Variants in COL8A1 observed in about 807,000 individuals in gnomAD.
COL8A1 encodes collagen alpha-1(VIII) chain.
COL8A1 carries 21 observed loss-of-function variants against 42.7 expected under a neutral mutation model. That is an observed-to-expected ratio of 0.49 (90% CI 0.35 to 0.71). COL8A1 has a LOEUF of 0.71. Ranked by LOEUF, COL8A1 falls within the 30% of genes least tolerant of loss-of-function variation. The pLI, the probability that COL8A1 is intolerant of heterozygous loss-of-function variation, is 0.01. For synonymous variants in COL8A1, 367 were observed against 369.1 expected, an observed-to-expected ratio of 0.99 and a Z score of 0.06; for missense variants, 788 against 962.4, an observed-to-expected ratio of 0.82 and a Z score of 2.40.
chr3:99,712,639 A>G (rs1373285334), intron 1 of COL8A1, among the ~76,000 whole-genome samples: 2 of 152,166 alleles, frequency 1.3e-5, no homozygotes, highest in Non-Finnish European at 2.9e-5. Flanking sequence ...TTCCAGAAAC[A>G]AGGTGAATTT....
At chr3:99,744,280 T>A (rs1316981782) in intron 1 of COL8A1, among the ~76,000 whole-genome samples, 1 of 152,180 alleles carries the variant, frequency 6.6e-6, no homozygotes, top group African/African-American at 2.4e-5. Context: ...AAATAGAGAG[T>A]ATCTATTACC....
At chr3:99,793,492 T>C (rs1942041181) in intron 3 of COL8A1, among the ~76,000 whole-genome samples, 1 of 152,056 alleles carries the variant, frequency 6.6e-6, no homozygotes. Flanking sequence ...TATATATACA[T>C]GTTAAGTGGT....
intron 2 of COL8A1, among the ~76,000 whole-genome samples, chr3:99,759,986 T>C (rs148585079): frequency 4.5e-4 from 69 of 152,302 alleles, no homozygotes; most frequent in African/African-American, 1.5e-3. Flanking sequence ...CTCTTCTTTA[T>C]ATATGTTTTT....
rs151319561 is a variant in COL8A1, at chr3:99,683,893, G to A, written c.-129+45229G>A. 2.8e-3 allele frequency among the ~76,000 whole-genome samples: 428 copies of A among 152,086 alleles called. 3 individuals carry two copies. Among genetic ancestry groups the A allele is most frequent in the Middle Eastern group, 6.8e-3 (2 of 292 alleles). On this transcript the variant is annotated intron_variant, in intron 1 of 3. Coordinates refer to ENST00000652472, the MANE Select transcript of COL8A1 (RefSeq NM_020351.4). ...CTGTGACTGGACTTTGTCTCTATAA[G>A]ACCAAAACAATAAGCTAAAAAAAAA...
At chr3:99,691,402 C>T (rs1939214581) in intron 1 of COL8A1, 1 of 152,068 alleles carries the variant, frequency 6.6e-6, no homozygotes, top group Non-Finnish European at 1.5e-5. Flanking sequence ...TTTCTAGGAT[C>T]CAGTTTCACC....
intron 2 of COL8A1, among the ~76,000 whole-genome samples, chr3:99,764,773 C>T (rs1941430465): frequency 7.9e-6 from 1 of 126,408 alleles, no homozygotes; most frequent in Non-Finnish European, 1.5e-5. Flanking sequence ...GATCTTGGTT[C>T]ATCTGCAACC....
intron 1 of COL8A1, among the ~76,000 whole-genome samples, chr3:99,734,537 G>C (rs1393745031): frequency 6.6e-6 from 1 of 151,940 alleles, no homozygotes; most frequent in Admixed American, 6.6e-5. Flanking sequence ...GTACCATGCT[G>C]TTTTGGTTAC....
intron 2 of COL8A1, among the ~76,000 whole-genome samples, chr3:99,747,545 T>C (rs1044495481): frequency 6.6e-6 from 1 of 152,234 alleles, no homozygotes; most frequent in South Asian, 2.1e-4. Context: ...GGCTTTCTTG[T>C]GGTTGTACTA....
chr3:99,660,470 C>T (rs1938170765), intron 1 of COL8A1, among the ~76,000 whole-genome samples: 1 of 152,190 alleles, frequency 6.6e-6, no homozygotes, highest in Non-Finnish European at 1.5e-5. Context: ...TTGTTACATC[C>T]TTGCAGTCAG....
intron 2 of COL8A1, among the ~76,000 whole-genome samples, chr3:99,757,782 T>C (rs1941283700): frequency 1.3e-5 from 2 of 152,152 alleles, no homozygotes; most frequent in Non-Finnish European, 1.5e-5. Flanking sequence ...AAGGCCCTTT[T>C]CAGAAAGTAT....
intron 1 of COL8A1, among the ~76,000 whole-genome samples, chr3:99,712,738 T>C (rs1939876484): frequency 1.3e-5 from 2 of 152,098 alleles, no homozygotes; most frequent in African/African-American, 4.8e-5. Context: ...ACATGGAAGC[T>C]TTCCAAAAGT....
At chr3:99,649,928 A>T (rs1214666793) in intron 1 of COL8A1, among the ~76,000 whole-genome samples, 1 of 152,176 alleles carries the variant, frequency 6.6e-6, no homozygotes, top group East Asian at 1.9e-4. Flanking sequence ...TACACAAAGA[A>T]AAATTATTTC....
intron 2 of COL8A1, among the ~76,000 whole-genome samples, chr3:99,774,637 G>A (rs949488953): frequency 3.9e-5 from 6 of 152,122 alleles, no homozygotes; most frequent in Admixed American, 3.9e-4. Flanking sequence ...CCCAACACAC[G>A]TGAACAAGAG....
chr3:99,702,512 A>T (rs889796614), intron 1 of COL8A1, among the ~76,000 whole-genome samples: 1 of 152,214 alleles, frequency 6.6e-6, no homozygotes, highest in Non-Finnish European at 1.5e-5. Context: ...TTTCCAATTA[A>T]ATCAACATGT....
intron 1 of COL8A1, among the ~76,000 whole-genome samples, chr3:99,730,813 G>A (rs989339775): frequency 9.2e-5 from 14 of 152,074 alleles, no homozygotes; most frequent in African/African-American, 3.1e-4. Context: ...ATAATTTTAT[G>A]CTTTTGTAAT....
At chr3:99,682,849 T>TGTGTTTA (rs1327330572) in intron 1 of COL8A1, among the ~76,000 whole-genome samples, 3 of 115,628 alleles carry the variant, frequency 2.6e-5, no homozygotes, top group Admixed American at 9.3e-5. Context: ...ACAGCATTGT[T>TGTGTTTA]GTGTTTAGCA....
chr3:99,683,822 A>C (rs2107325745), intron 1 of COL8A1, among the ~76,000 whole-genome samples: 1 of 152,270 alleles, frequency 6.6e-6, no homozygotes, highest in East Asian at 1.9e-4. Flanking sequence ...CATATTGCAA[A>C]CATTCTGTTT....
At chr3:99,647,021 G>A (rs9815950) in intron 1 of COL8A1, among the ~76,000 whole-genome samples, 48,939 of 152,058 alleles carry the variant, frequency 0.32, 8,666 homozygotes, top group African/African-American at 0.46. Context: ...GGATTCATCA[G>A]TGTTTATACA....
At chr3:99,735,512 T>C (rs1940676829) in intron 1 of COL8A1, among the ~76,000 whole-genome samples, 1 of 148,464 alleles carries the variant, frequency 6.7e-6, no homozygotes, top group African/African-American at 2.5e-5. Context: ...CACTTGATCA[T>C]GGTGGATAAG....
Sources: gnomAD v4.1 joint callset for allele counts (sites outside exome capture counted in the v4.1 genomes callset) on GRCh38, gnomAD v4.1.1 for gene constraint, MANE v1.5 for transcripts, NCBI Gene and HGNC (gene_info 2026-07-23, HGNC 2026-07-21) for gene names.